CSTPP1: variants seen among roughly 807,000 people sequenced by gnomAD.
The protein encoded by CSTPP1 is centriolar satellite-associated tubulin polyglutamylase complex regulator 1, also known as UPF0705 protein C11orf49.
chr11:47,083,630 G>A, the CSTPP1 span, among the ~76,000 whole-genome samples: 13 of 151,974 alleles, frequency 8.6e-5, no homozygotes, highest in African/African-American at 2.7e-4. Flanking sequence ...TTTTATTATC[G>A]CCAGCCTAGA....
At chr11:47,019,415 C>T in the CSTPP1 span, among the ~76,000 whole-genome samples, 32 of 152,198 alleles carry the variant, frequency 2.1e-4, no homozygotes, top group African/African-American at 7.5e-4. Context: ...TGGCTTTTGA[C>T]ATGCTCTCTT....
the CSTPP1 span, chr11:47,041,575 T>A: frequency 2.5e-6 from 1 of 405,618 alleles, no homozygotes; most frequent in Non-Finnish European, 5.0e-6. Flanking sequence ...GCTCATGGCC[T>A]CATTGATGCC....
At chr11:46,978,549 G>GC in the CSTPP1 span, among the ~76,000 whole-genome samples, 11 of 152,292 alleles carry the variant, frequency 7.2e-5, no homozygotes, top group South Asian at 2.3e-3. Flanking sequence ...CTAAACTGGG[G>GC]CCTCTCTGTC....
At chr11:47,142,174 C>G in the CSTPP1 span, among the ~76,000 whole-genome samples, 1 of 147,540 alleles carries the variant, frequency 6.8e-6, no homozygotes, top group Non-Finnish European at 1.5e-5. Context: ...ACCCAGGAGG[C>G]AGAGGTTGCA....
the CSTPP1 span, chr11:47,162,256 T>C: frequency 1.0e-6 from 1 of 985,354 alleles, no homozygotes; most frequent in East Asian, 1.1e-4. Context: ...AACTGGTGAG[T>C]CTAAAGCTCC....
chr11:47,051,710 G>C, the CSTPP1 span, among the ~76,000 whole-genome samples: 2 of 50,996 alleles, frequency 3.9e-5, no homozygotes, highest in Admixed American at 4.7e-4. Context: ...TTTTTTTTTT[G>C]AGACTGAGTC....
At chr11:46,972,036 TTTATC>T in the CSTPP1 span, among the ~76,000 whole-genome samples, 1 of 152,222 alleles carries the variant, frequency 6.6e-6, no homozygotes, top group Non-Finnish European at 1.5e-5. Context: ...TAAAGTTTCT[TTTATC>T]TTTTCCCTAT....
At chr11:46,987,373 A>G in the CSTPP1 span, 1 of 1,332,712 alleles carries the variant, frequency 7.5e-7, no homozygotes, top group Non-Finnish European at 1.1e-6. Flanking sequence ...AGCAGGCAGG[A>G]TACTTGAGGA....
At chr11:47,111,989 T>G in the CSTPP1 span, among the ~76,000 whole-genome samples, 7 of 152,174 alleles carry the variant, frequency 4.6e-5, no homozygotes, top group African/African-American at 1.7e-4. Flanking sequence ...TTCCTTTCCC[T>G]CTTATTCTTT....
At chr11:47,107,840 A>G in the CSTPP1 span, among the ~76,000 whole-genome samples, 2 of 143,576 alleles carry the variant, frequency 1.4e-5, no homozygotes, top group Non-Finnish European at 3.1e-5. Context: ...TTAGGGGGAA[A>G]CTGCTCGGTA....
the CSTPP1 span, among the ~76,000 whole-genome samples, chr11:46,954,556 T>A: frequency 9.0e-4 from 137 of 151,406 alleles, no homozygotes; most frequent in African/African-American, 3.3e-3. Context: ...TTTGAAAAAA[T>A]AAATAAATAA....
At chr11:47,105,727 C>T in the CSTPP1 span, among the ~76,000 whole-genome samples, 3 of 152,150 alleles carry the variant, frequency 2.0e-5, no homozygotes, top group Non-Finnish European at 4.4e-5. Context: ...GCTCAGATTT[C>T]GATCTGTCTA....
At chr11:47,111,139 G>A in the CSTPP1 span, among the ~76,000 whole-genome samples, 3 of 152,054 alleles carry the variant, frequency 2.0e-5, no homozygotes, top group Admixed American at 6.5e-5. Context: ...TGATCTGTCC[G>A]CCTCGGCCTG....
chr11:47,096,427 A>G, the CSTPP1 span, among the ~76,000 whole-genome samples: 6 of 152,330 alleles, frequency 3.9e-5, no homozygotes, highest in East Asian at 1.2e-3. Context: ...TAGGTCCCTC[A>G]TATAAGTGAA....
the CSTPP1 span, chr11:47,137,618 A>T: frequency 6.2e-7 from 1 of 1,613,938 alleles, no homozygotes. Flanking sequence ...CAGAGACCTA[A>T]TGTGTTCCTC....
At chr11:47,117,186 G>T in the CSTPP1 span, among the ~76,000 whole-genome samples, 1 of 152,118 alleles carries the variant, frequency 6.6e-6, no homozygotes, top group Non-Finnish European at 1.5e-5. Flanking sequence ...TAAGATGTTC[G>T]CTGGTTATTT....
the CSTPP1 span, among the ~76,000 whole-genome samples, chr11:47,138,496 C>T: frequency 6.6e-6 from 1 of 152,108 alleles, no homozygotes; most frequent in East Asian, 1.9e-4. Flanking sequence ...GATAAAGCCC[C>T]AGTTGAAGGA....
chr11:46,998,560 T>G, the CSTPP1 span, among the ~76,000 whole-genome samples: 6 of 152,170 alleles, frequency 3.9e-5, no homozygotes, highest in South Asian at 1.2e-3. Flanking sequence ...CAGAAACTTT[T>G]GGGTTTTCTT....
the CSTPP1 span, chr11:46,936,859 C>T: frequency 1.9e-6 from 3 of 1,577,424 alleles, no homozygotes; most frequent in Non-Finnish European, 2.6e-6. Flanking sequence ...TGGGTAGGAA[C>T]CCCCTTTAAC....
Sources: allele counts gnomAD v4.1 joint callset (sites outside exome capture counted in the v4.1 genomes callset), GRCh38; gene constraint gnomAD v4.1.1; transcripts MANE v1.5; gene names NCBI Gene and HGNC (gene_info 2026-07-23, HGNC 2026-07-21).